Variants in SNX27 observed in about 807,000 individuals in gnomAD.
SNX27 encodes the protein sorting nexin-27.
SNX27 carries 22 observed loss-of-function variants against 71.6 expected under a neutral mutation model. The ratio of observed to expected loss-of-function variants is 0.31; its 90% confidence interval spans 0.22 to 0.44. SNX27 has a LOEUF of 0.44. Ranked by LOEUF, SNX27 falls within the 20% of genes least tolerant of loss-of-function variation. The pLI, the probability that SNX27 is intolerant of heterozygous loss-of-function variation, is 1.00. For synonymous variants in SNX27, 269 were observed against 277.2 expected, an observed-to-expected ratio of 0.97 and a Z score of 0.29; for missense variants, 531 against 698.6, an observed-to-expected ratio of 0.76 and a Z score of 2.70.
rs1388808963 is a variant in SNX27 at position 151,612,669 on chromosome 1, G to GT, written c.311+158dup. Among the ~76,000 whole-genome samples the GT allele has an allele frequency of 6.7e-6, 1 of 150,006 alleles. No homozygotes were observed. Among genetic ancestry groups the GT allele is most frequent in the Non-Finnish European group, 1.5e-5 (1 of 67,624 alleles). ...GGCCTCCGCAGCCGGGCCCCTCCTTGTGGGCTGCCCTCCCACCACCCGCCC... is the reference window on the plus strand; with the variant it reads ...GGCCTCCGCAGCCGGGCCCCTCCTTGTTGGGCTGCCCTCCCACCACCCGCCC... On this transcript the variant is annotated intron_variant, in intron 1 of 11. Transcript: ENST00000458013. This position sits in a 1 kb window ranked among gnomAD's most constrained non-coding sequence, Gnocchi z 5.2.
At chr1:151,645,683 T>C (rs771132599) in intron 2 of SNX27, among the ~76,000 whole-genome samples, 2 of 152,242 alleles carry the variant, frequency 1.3e-5, no homozygotes, top group Non-Finnish European at 2.9e-5. Context: ...CAGCCATGGT[T>C]ACCTAGAATC....
chr1:151,654,792 C>A (rs1669598868), intron 2 of SNX27, among the ~76,000 whole-genome samples: 1 of 152,148 alleles, frequency 6.6e-6, no homozygotes, highest in African/African-American at 2.4e-5. Context: ...GCCCAAACTC[C>A]TGAGATAAAT....
At chr1:151,617,387 C>T (rs1558031787) in intron 1 of SNX27, among the ~76,000 whole-genome samples, 1 of 152,030 alleles carries the variant, frequency 6.6e-6, no homozygotes, top group South Asian at 2.1e-4. Context: ...CAAGCAATTC[C>T]CCTGCCTCAG....
chr1:151,664,655 T>G (rs1206343998), intron 5 of SNX27, among the ~76,000 whole-genome samples: 2 of 152,180 alleles, frequency 1.3e-5, no homozygotes, highest in Admixed American at 1.3e-4. Context: ...ATTTCTCTTT[T>G]GTAGCAAACA....
intron 1 of SNX27, among the ~76,000 whole-genome samples, chr1:151,635,773 G>T (rs144970751): frequency 1.3e-5 from 2 of 152,278 alleles, no homozygotes; most frequent in African/African-American, 2.4e-5. Flanking sequence ...GACACTGGAA[G>T]TTTTTTCCTG....
intron 7 of SNX27, chr1:151,679,941 G>T (rs1420742761): frequency 3.3e-5 from 5 of 152,136 alleles, no homozygotes; most frequent in African/African-American, 9.7e-5. Context: ...ATTATCACAA[G>T]AAATTGCTTA....
intron 6 of SNX27, 57 bp downstream of exon 6, chr1:151,666,068 T>C (rs1670176828): frequency 1.4e-6 from 2 of 1,385,046 alleles, no homozygotes; most frequent in African/African-American, 1.4e-5. Context: ...GAAAGAAACA[T>C]TTACCTAGAG....
chr1:151,622,211 CT>C (rs986524079), intron 1 of SNX27, among the ~76,000 whole-genome samples: 1 of 152,100 alleles, frequency 6.6e-6, no homozygotes, highest in Non-Finnish European at 1.5e-5. Context: ...AAAAGTATAT[CT>C]TGTTACTAAT....
chr1:151,624,087 T>G (rs1274195717), intron 1 of SNX27, among the ~76,000 whole-genome samples: 1 of 151,948 alleles, frequency 6.6e-6, no homozygotes, highest in African/African-American at 2.4e-5. Flanking sequence ...CTCAGCCTCC[T>G]GAGTAGCTGG....
In SNX27 at chr1:151,612,198, C is replaced by T. The variant is rs1402732076; in HGVS notation, c.-4C>T. 3.5e-5 allele frequency: 47 copies of T among 1,342,858 alleles called. No individual in the cohort carries two copies. Among genetic ancestry groups the T allele is most frequent in the Non-Finnish European group, 4.5e-5 (47 of 1,045,194 alleles). 83.2% of individuals were successfully genotyped at this position (1,342,858 alleles called of 1,614,324 possible). A position where few individuals can be genotyped will look rare whatever the true frequency, so the allele number is the denominator to read the frequency against. Reference sequence around the variant, plus strand: ...GGCGGGGGTACGGCTCGCCTGCTCGCAAGATGGCGGACGAGGACGGGGAAG... The same window carrying T: ...GGCGGGGGTACGGCTCGCCTGCTCGTAAGATGGCGGACGAGGACGGGGAAG... On this transcript the variant is annotated 5_prime_UTR_variant, in exon 1 of 12. Transcript: ENST00000458013. This position sits in a 1 kb window ranked among gnomAD's most constrained non-coding sequence, Gnocchi z 5.2.
intron 2 of SNX27, among the ~76,000 whole-genome samples, chr1:151,641,348 C>T (rs950633299): frequency 2.6e-5 from 4 of 151,718 alleles, no homozygotes; most frequent in Admixed American, 6.6e-5. Flanking sequence ...GGTTCCATAA[C>T]CTCTTGATAT....
chr1:151,677,324 T>C (rs993405172), intron 7 of SNX27: 2 of 152,222 alleles, frequency 1.3e-5, no homozygotes, highest in Non-Finnish European at 1.5e-5. Flanking sequence ...TTTTATGTTT[T>C]ATCAATGCCC....
chr1:151,661,572 G>C (rs1056839340), intron 4 of SNX27: 1 of 152,304 alleles, frequency 6.6e-6, no homozygotes, highest in Admixed American at 6.5e-5. Context: ...AGAAGAATGT[G>C]TTAATCATCA....
chr1:151,632,668 A>AT (rs1201716380), intron 1 of SNX27, among the ~76,000 whole-genome samples: 1 of 152,122 alleles, frequency 6.6e-6, no homozygotes, highest in African/African-American at 2.4e-5. Context: ...GAAAAAGCAT[A>AT]TATTTTATTT....
chr1:151,693,498 T>G lies in SNX27; in HGVS notation c.1578+15T>G. The G allele has an allele frequency of 6.2e-7, 1 of 1,613,954 alleles. No homozygotes were observed. Among genetic ancestry groups the G allele is most frequent in the Admixed American group, 1.7e-5 (1 of 60,020 alleles). ...GGAGAAAAGAGGTAATTCTGAACAGTCCTTGAATTGACCTTTTCATCTTTT... is the reference window on the plus strand; with the variant it reads ...GGAGAAAAGAGGTAATTCTGAACAGGCCTTGAATTGACCTTTTCATCTTTT... On this transcript the variant is annotated intron_variant, in intron 11 of 11. Coordinates refer to ENST00000458013, the MANE Select transcript of SNX27 (RefSeq NM_001330723.2).
intron 7 of SNX27, among the ~76,000 whole-genome samples, chr1:151,681,961 T>C (rs983516299): frequency 9.8e-5 from 15 of 152,346 alleles, no homozygotes; most frequent in African/African-American, 3.6e-4. Flanking sequence ...TCTTTGGGGA[T>C]CCACCTAAGG....
At chr1:151,650,482 C>T (rs996978904) in intron 2 of SNX27, among the ~76,000 whole-genome samples, 5 of 152,150 alleles carry the variant, frequency 3.3e-5, no homozygotes, top group African/African-American at 1.2e-4. Flanking sequence ...ATTTCTTCAG[C>T]CCATTCTTTT....
chr1:151,672,565 T>C (rs1191946464), intron 7 of SNX27, among the ~76,000 whole-genome samples: 2 of 152,152 alleles, frequency 1.3e-5, no homozygotes, highest in African/African-American at 4.8e-5. Context: ...TTGCCTAGAA[T>C]TGGTATTAAT....
chr1:151,626,379 T>C (rs923189824), intron 1 of SNX27, among the ~76,000 whole-genome samples: 1 of 152,192 alleles, frequency 6.6e-6, no homozygotes, highest in Non-Finnish European at 1.5e-5. Flanking sequence ...AAGACACTTT[T>C]ATATTGTCTC....
Sources: allele counts gnomAD v4.1 joint callset (sites outside exome capture counted in the v4.1 genomes callset), GRCh38; gene constraint gnomAD v4.1.1; non-coding constraint Gnocchi (gnomAD v3.1); transcripts MANE v1.5; gene names NCBI Gene and HGNC (gene_info 2026-07-23, HGNC 2026-07-21).